SLC9A9: variants seen among roughly 807,000 people sequenced by gnomAD.
SLC9A9 encodes the protein solute carrier family 9 member A9.
A neutral mutation model predicts 77.8 loss-of-function variants in SLC9A9; 62 were observed. The ratio of observed to expected loss-of-function variants is 0.80; its 90% CI spans 0.65 to 0.98. The LOEUF (loss-of-function observed/expected upper bound fraction) is 0.98, where lower values mean the gene tolerates loss of function less well. Among genes scored for constraint, SLC9A9 ranks in the 50% least tolerant of loss-of-function variants. The pLI is 0.00. For synonymous variants in SLC9A9, 320 were observed against 283.5 expected (o/e 1.13, Z -1.29); for missense variants, 775 against 774.9 (o/e 1.00, Z 0.00).
At chr3:143,715,249 T>G (rs781298922) in intron 4 of SLC9A9, among the ~76,000 whole-genome samples, 2 of 152,230 alleles carry the variant, frequency 1.3e-5, no homozygotes, top group Non-Finnish European at 2.9e-5. Context: ...CCTTTGTCCT[T>G]TGCTCAAAGG....
At chr3:143,731,240 C>T (rs1193321893) in intron 4 of SLC9A9, among the ~76,000 whole-genome samples, 2 of 152,190 alleles carry the variant, frequency 1.3e-5, no homozygotes, top group Non-Finnish European at 1.5e-5. Context: ...AGGTGAATAC[C>T]TAAACAGTGT....
intron 6 of SLC9A9, among the ~76,000 whole-genome samples, chr3:143,623,448 G>A (rs1244454109): frequency 1.3e-5 from 2 of 152,170 alleles, no homozygotes; most frequent in Non-Finnish European, 2.9e-5. Context: ...CTAGAACTCA[G>A]GATTAAGAAA....
At chr3:143,449,971 A>ACATG (rs2034964717) in intron 12 of SLC9A9, among the ~76,000 whole-genome samples, 1 of 87,140 alleles carries the variant, frequency 1.1e-5, no homozygotes, top group Non-Finnish European at 1.9e-5. Context: ...AATATATATA[A>ACATG]TATATATTAT....
At chr3:143,445,443 C>T (rs1367836081) in intron 12 of SLC9A9, among the ~76,000 whole-genome samples, 1 of 152,184 alleles carries the variant, frequency 6.6e-6, no homozygotes, top group African/African-American at 2.4e-5. Context: ...CATGTCCCAG[C>T]AGAAGCTCTT....
chr3:143,690,398 A>G (rs1933424678), intron 5 of SLC9A9, among the ~76,000 whole-genome samples: 1 of 152,140 alleles, frequency 6.6e-6, no homozygotes, highest in African/African-American at 2.4e-5. Flanking sequence ...CAGCAATGCA[A>G]TCCCTTAGTG....
chr3:143,542,750 A>T (rs567598576), intron 9 of SLC9A9, among the ~76,000 whole-genome samples: 6 of 152,194 alleles, frequency 3.9e-5, no homozygotes, highest in Non-Finnish European at 5.9e-5. Flanking sequence ...TTTATCTTGG[A>T]ATGTTAATGG....
chr3:143,773,361 T>C (rs879758540), intron 4 of SLC9A9, among the ~76,000 whole-genome samples: 18 of 152,256 alleles, frequency 1.2e-4, no homozygotes, highest in Non-Finnish European at 2.1e-4. Context: ...GTACACAACC[T>C]CAAGAGCATG....
chr3:143,836,126 C>T (rs1280222165), intron 1 of SLC9A9, among the ~76,000 whole-genome samples: 1 of 152,192 alleles, frequency 6.6e-6, no homozygotes, highest in African/African-American at 2.4e-5. Context: ...CCTAAAATGT[C>T]CCTCTTAAGT....
In SLC9A9 at chr3:143,610,097, T is replaced by G. The variant is rs147454298; in HGVS notation, c.756-31374A>C. Among the ~76,000 whole-genome samples, 691 of 152,294 alleles carry G rather than the reference T, an allele frequency of 4.5e-3. 12 individuals carry two copies. The highest frequency in any genetic ancestry group is 0.016 in the African/African-American group (659 of 41,574). On this transcript the variant is annotated intron_variant, in intron 6 of 15. Coordinates refer to ENST00000316549, the MANE Select transcript of SLC9A9 (RefSeq NM_173653.4). The stretch of plus-strand genomic sequence containing the variant: ...CTTCATAATATATTTTCATATCTGA[T>G]AGAGTTCACTCCTTAGCATTACTTA...
At chr3:143,480,417 CAATTCA>C (rs1253822163) in intron 11 of SLC9A9, among the ~76,000 whole-genome samples, 2 of 152,204 alleles carry the variant, frequency 1.3e-5, no homozygotes, top group Non-Finnish European at 2.9e-5. Flanking sequence ...ATGGGATCTG[CAATTCA>C]TATGGGTCTA....
intron 2 of SLC9A9, among the ~76,000 whole-genome samples, chr3:143,810,848 G>T (rs1170935998): frequency 2.0e-5 from 3 of 152,164 alleles, no homozygotes; most frequent in East Asian, 3.9e-4. Flanking sequence ...CTCCATGAAG[G>T]TTATAGTCCA....
At chr3:143,794,933 T>C in intron 4 of SLC9A9, 68 bp downstream of exon 4, 2 of 1,355,734 alleles carry the variant, frequency 1.5e-6, no homozygotes, top group South Asian at 2.3e-5. Context: ...ATCCTGGAAG[T>C]GTTAGATCCC....
At chr3:143,536,057 C>T (rs1257833930) in intron 9 of SLC9A9, among the ~76,000 whole-genome samples, 2 of 152,146 alleles carry the variant, frequency 1.3e-5, no homozygotes, top group African/African-American at 4.8e-5. Context: ...CTAGAATTAT[C>T]TATGGCATAA....
At chr3:143,301,869 G>C (rs1213954218) in intron 14 of SLC9A9, among the ~76,000 whole-genome samples, 2 of 152,154 alleles carry the variant, frequency 1.3e-5, no homozygotes, top group South Asian at 4.1e-4. Flanking sequence ...AATACTAGTT[G>C]TATATGTTAA....
chr3:143,310,296 T>C (rs1157652371), intron 14 of SLC9A9, among the ~76,000 whole-genome samples: 2 of 152,206 alleles, frequency 1.3e-5, no homozygotes, highest in Non-Finnish European at 2.9e-5. Context: ...ATTTTCCAAC[T>C]AGTTTGAGCC....
intron 12 of SLC9A9, among the ~76,000 whole-genome samples, chr3:143,436,286 G>T (rs1204820839): frequency 1.3e-5 from 2 of 152,186 alleles, no homozygotes; most frequent in Non-Finnish European, 2.9e-5. Context: ...CTTCTCACAG[G>T]CATGCCCCCT....
At position 143,462,124 on chromosome 3, in the gene SLC9A9, C is replaced by T. The variant is rs565861133; in HGVS notation, c.1469+4913G>A. 3.3e-5 allele frequency among the ~76,000 whole-genome samples: 5 copies of T among 152,074 alleles called. No individual in the cohort carries two copies. The East Asian group carries it at 7.7e-4, about 24-fold the overall frequency. The stretch of plus-strand genomic sequence containing the variant: ...GCTCATGCCTGTAATGCCAGCACTT[C>T]GGAAGTTTGGGGTTGGAGGATTGCT... On this transcript the variant is annotated intron_variant, in intron 12 of 15. Transcript: ENST00000316549.
chr3:143,752,207 A>G (rs1383775643), intron 4 of SLC9A9, among the ~76,000 whole-genome samples: 2 of 152,148 alleles, frequency 1.3e-5, no homozygotes, highest in African/African-American at 2.4e-5. Context: ...GATTCCAGAG[A>G]TCTCTCTCAT....
At chr3:143,641,764 T>C (rs1030999433) in intron 6 of SLC9A9, among the ~76,000 whole-genome samples, 2 of 152,190 alleles carry the variant, frequency 1.3e-5, no homozygotes, top group Non-Finnish European at 2.9e-5. Context: ...AAAATTGCAT[T>C]GCTCTAATAA....
Sources: allele counts gnomAD v4.1 joint callset (sites outside exome capture counted in the v4.1 genomes callset), GRCh38; gene constraint gnomAD v4.1.1; transcripts MANE v1.5; gene names NCBI Gene and HGNC (gene_info 2026-07-23, HGNC 2026-07-21).